The following PRMT3 variants were observed in gnomAD, a reference collection of about 807,000 sequenced individuals.
PRMT3 encodes the protein protein arginine methyltransferase 3, also known as protein arginine N-methyltransferase 3.
In PRMT3, 62 loss-of-function variants were observed where a neutral mutation model predicts 71.9. The ratio of observed to expected loss-of-function variants is 0.86; its 90% CI spans 0.70 to 1.07. The LOEUF (loss-of-function observed/expected upper bound fraction) is 1.07. PRMT3 is among the 50% of genes least tolerant of loss of function. The pLI is 0.00. For missense variants in PRMT3, 663 were observed against 643.0 expected (o/e 1.03, Z -0.34); for synonymous variants, 213 against 220.4 (o/e 0.97, Z 0.30).
At chr11:20,449,001 A>T (rs1052856981) in intron 10 of PRMT3, among the ~76,000 whole-genome samples, 5 of 152,118 alleles carry the variant, frequency 3.3e-5, no homozygotes, top group African/African-American at 1.2e-4. Context: ...GAGCCTTCTG[A>T]TATCAGTAAT....
intron 10 of PRMT3, among the ~76,000 whole-genome samples, chr11:20,444,099 A>T (rs1849970044): frequency 6.6e-6 from 1 of 152,184 alleles, no homozygotes; most frequent in African/African-American, 2.4e-5. Context: ...GATATTTGTG[A>T]TTAATACATG....
At chr11:20,482,034 T>C (rs1850948717) in intron 13 of PRMT3, among the ~76,000 whole-genome samples, 1 of 152,068 alleles carries the variant, frequency 6.6e-6, no homozygotes, top group African/African-American at 2.4e-5. Flanking sequence ...CCTGTAATAC[T>C]GAAATCATAT....
intron 13 of PRMT3, among the ~76,000 whole-genome samples, chr11:20,476,207 G>C (rs897608942): frequency 6.6e-6 from 1 of 151,670 alleles, no homozygotes; most frequent in African/African-American, 2.4e-5. Flanking sequence ...AAAAATATTA[G>C]CCAGGCGTGA....
intron 13 of PRMT3, among the ~76,000 whole-genome samples, chr11:20,493,013 G>A (rs1253178679): frequency 6.6e-6 from 1 of 152,126 alleles, no homozygotes; most frequent in Non-Finnish European, 1.5e-5. Flanking sequence ...CAGGTGTGGT[G>A]GCGCACGCCT....
At chr11:20,508,226 G>A in intron 15 of PRMT3, 78 bp from the exon 16 acceptor site, 3 of 652,230 alleles carry the variant, frequency 4.6e-6, no homozygotes, top group East Asian at 2.8e-5. Flanking sequence ...ATAAAAAGAA[G>A]TGCTAGTTAT....
chr11:20,455,185 G>A (rs779757017), intron 11 of PRMT3, among the ~76,000 whole-genome samples: 3 of 152,040 alleles, frequency 2.0e-5, no homozygotes, highest in Non-Finnish European at 2.9e-5. Context: ...TAAAATAAAT[G>A]TATATTTTAG....
intron 9 of PRMT3, among the ~76,000 whole-genome samples, chr11:20,409,170 A>G (rs1849137983): frequency 6.6e-6 from 1 of 152,182 alleles, no homozygotes; most frequent in Admixed American, 6.5e-5. Flanking sequence ...TGATTATATA[A>G]AATATTTAAA....
At chr11:20,405,267 A>G (rs1301806445) in intron 8 of PRMT3, among the ~76,000 whole-genome samples, 17 of 152,140 alleles carry the variant, frequency 1.1e-4, no homozygotes, top group Admixed American at 1.1e-3. Context: ...AGAAATTCCC[A>G]GTTAGGTGCC....
intron 9 of PRMT3, among the ~76,000 whole-genome samples, chr11:20,410,882 A>C (rs1348599934): frequency 6.6e-6 from 1 of 152,120 alleles, no homozygotes; most frequent in Non-Finnish European, 1.5e-5. Context: ...TGACATCTGC[A>C]GTCACAAAGG....
chr11:20,454,719 C>T (rs1446873775), intron 11 of PRMT3, among the ~76,000 whole-genome samples: 1 of 151,764 alleles, frequency 6.6e-6, no homozygotes, highest in Non-Finnish European at 1.5e-5. Flanking sequence ...AAAGATTTAC[C>T]AAGTAATTAG....
intron 8 of PRMT3, chr11:20,405,643 A>G (rs572271395): frequency 1.3e-5 from 2 of 152,340 alleles, no homozygotes; most frequent in African/African-American, 4.8e-5. Context: ...GCATTTGTAT[A>G]TACATTATAT....
At chr11:20,436,492 A>T (rs1208896339) in intron 10 of PRMT3, among the ~76,000 whole-genome samples, 2 of 152,124 alleles carry the variant, frequency 1.3e-5, no homozygotes, top group Non-Finnish European at 1.5e-5. Context: ...AGTATTTATC[A>T]TGAAGGGATG....
chr11:20,471,310 T>C (rs116332125), intron 13 of PRMT3, among the ~76,000 whole-genome samples: 4,620 of 152,290 alleles, frequency 0.03, 233 homozygotes, highest in African/African-American at 0.11. Context: ...TCCTTAGTAG[T>C]ATTACCTAGA....
chr11:20,508,377 G>A lies in PRMT3; in HGVS notation c.1560G>A (p.Thr520=), dbSNP rs1048193414. The A allele has an allele frequency of 5.0e-6, 8 of 1,609,630 alleles. No homozygotes were observed. In the East Asian group the frequency reaches 6.7e-5, roughly 13 times the overall value. ...KDPRSLTVTL[T]LNNSTQTYGL... ...CACGTTCTCTCACCGTGACCCTCAC[G>A]TTGAATAATTCAACTCAAACTTATG... The change falls in exon 16 of 16, where the codon ACG becomes ACA. Residue 520 remains threonine (T), a synonymous_variant. Transcript: ENST00000331079.
chr11:20,496,029 A>G (rs943097732), intron 15 of PRMT3, among the ~76,000 whole-genome samples: 6 of 152,206 alleles, frequency 3.9e-5, no homozygotes, highest in Non-Finnish European at 7.4e-5. Context: ...GATACTATGA[A>G]GCTAAGTATA....
intron 3 of PRMT3, 78 bp from the exon 4 acceptor site, chr11:20,392,133 G>A: frequency 7.3e-7 from 1 of 1,365,392 alleles, no homozygotes; most frequent in South Asian, 1.3e-5. Flanking sequence ...TGTTTAATCA[G>A]AGAAGGCTTT....
intron 10 of PRMT3, among the ~76,000 whole-genome samples, chr11:20,447,863 A>AT (rs1403790627): frequency 6.6e-6 from 1 of 152,122 alleles, no homozygotes; most frequent in African/African-American, 2.4e-5. Context: ...ACAAGATTAT[A>AT]TAAAGGATAT....
chr11:20,435,763 G>A (rs1849748251), intron 10 of PRMT3, among the ~76,000 whole-genome samples: 1 of 152,222 alleles, frequency 6.6e-6, no homozygotes, highest in African/African-American at 2.4e-5. Flanking sequence ...ATCAGGAATT[G>A]TGATGCCTCC....
At chr11:20,456,188 C>T (rs889345458) in intron 11 of PRMT3, among the ~76,000 whole-genome samples, 5 of 152,022 alleles carry the variant, frequency 3.3e-5, no homozygotes, top group Non-Finnish European at 5.9e-5. Context: ...AATAAATAGA[C>T]GACAAACCCA....
Sources: gnomAD v4.1 joint callset for allele counts (sites outside exome capture counted in the v4.1 genomes callset) on GRCh38, gnomAD v4.1.1 for gene constraint, MANE v1.5 for transcripts, NCBI Gene and HGNC (gene_info 2026-07-23, HGNC 2026-07-21) for gene names.